ERCC2: variants seen among roughly 807,000 people sequenced by gnomAD.
The protein encoded by ERCC2 is general transcription and DNA repair factor IIH helicase subunit XPD.
A neutral mutation model predicts 99.4 loss-of-function variants in ERCC2; 90 were observed. That is an observed-to-expected ratio of 0.91 (90% CI 0.76 to 1.08). The LOEUF (loss-of-function observed/expected upper bound fraction) is 1.08, where lower values mean the gene tolerates loss of function less well. ERCC2 is among the 50% of genes least tolerant of loss of function. The pLI, the probability that ERCC2 is intolerant of heterozygous loss-of-function variation, is 0.00. For synonymous variants in ERCC2, 497 were observed against 432.4 expected (o/e 1.15, Z -1.85); for missense variants, 993 against 1,038.1 (o/e 0.96, Z 0.60).
intron 12 of ERCC2, among the ~76,000 whole-genome samples, chr19:45,360,453 C>T (rs1972180414): frequency 6.6e-6 from 1 of 150,924 alleles, no homozygotes; most frequent in Admixed American, 6.6e-5. Flanking sequence ...TCTTGGCTCA[C>T]TGTAACCTCT....
intron 6 of ERCC2, 33 bp from the exon 7 acceptor site, chr19:45,364,987 G>A (rs1479551606): frequency 5.6e-6 from 9 of 1,606,720 alleles, no homozygotes; most frequent in Non-Finnish European, 7.7e-6. Context: ...CAGGGAGGCT[G>A]CCTGCCCCAG....
At chr19:45,357,237 C>T (rs1972041992) in intron 15 of ERCC2, 33 bp downstream of exon 15, 1 of 1,544,104 alleles carries the variant, frequency 6.5e-7, no homozygotes, top group African/African-American at 1.4e-5. Flanking sequence ...CCCATCTCCC[C>T]TCCCGGCCCC....
At chr19:45,366,702 C>T (rs1568544212) in intron 5 of ERCC2, among the ~76,000 whole-genome samples, 1 of 152,308 alleles carries the variant, frequency 6.6e-6, no homozygotes, top group African/African-American at 2.4e-5. Flanking sequence ...CCAGCCCTTC[C>T]TTCTCCATTT....
intron 5 of ERCC2, among the ~76,000 whole-genome samples, chr19:45,367,366 TATACAC>T (rs1257027472): frequency 0.022 from 1,987 of 90,704 alleles, 18 homozygotes; most frequent in South Asian, 0.055. Context: ...TATATATATA[TATACAC>T]ACACACACAC....
intron 5 of ERCC2, among the ~76,000 whole-genome samples, chr19:45,366,668 G>A (rs1456463911): frequency 6.6e-6 from 1 of 152,048 alleles, no homozygotes; most frequent in African/African-American, 2.4e-5. Context: ...CTTTTCCTAC[G>A]CCAAAAGGAA....
chr19:45,361,835 C>T (rs1157812187), intron 11 of ERCC2, 193 bp from the exon 12 acceptor site: 6 of 620,740 alleles, frequency 9.7e-6, no homozygotes, highest in Admixed American at 4.3e-5. Context: ...TAGCCATTGC[C>T]GCATAATGGC....
chr19:45,360,543 A>C (rs537432943), intron 12 of ERCC2, among the ~76,000 whole-genome samples: 9 of 151,364 alleles, frequency 5.9e-5, no homozygotes, highest in Non-Finnish European at 1.3e-4. Context: ...ACACCTGGCA[A>C]ATTGTTGTAT....
chr19:45,353,024 G>T, intron 19 of ERCC2, 59 bp downstream of exon 19: 1 of 1,538,074 alleles, frequency 6.5e-7, no homozygotes, highest in Non-Finnish European at 9.0e-7. Context: ...AGCAGAGCGG[G>T]CAGGTGTTCC....
At position 45,370,148 on chromosome 19, in the gene ERCC2, G is replaced by A. The variant is rs1226272413; in HGVS notation, c.90C>T (p.Arg30=). Residue 30 remains arginine, a synonymous_variant, in exon 2 of 23, where the codon CGC becomes CGT. Transcript: ENST00000391945. ...GGCCACCCACCTTGGCGTCCAGCGT[G>A]CGTTTGAGCTCCCGCATGTAGGAGA... ...EQFSYMRELK[R]TLDAKGHGVL... 3 of 1,613,250 alleles carry A rather than the reference G, an allele frequency of 1.9e-6. No individual in the cohort carries two copies. Among genetic ancestry groups the A allele is most frequent in the Admixed American group, 1.7e-5 (1 of 60,010 alleles).
Position 45,362,500 on chromosome 19 carries a change from G to A in ERCC2, c.1119-858C>T, listed in dbSNP as rs567467112. Among the ~76,000 whole-genome samples the A allele has an allele frequency of 2.0e-5, 3 of 152,286 alleles. No individual in the cohort carries two copies. The East Asian group carries it at 5.8e-4, about 29-fold the overall frequency. On this transcript the variant is annotated intron_variant, in intron 11 of 22. Transcript: ENST00000391945. ...GCCACAACCACACACAGGCAGGGCC[G>A]AGGCAGGGTCATAGAGCAGCTGGCT...
chr19:45,362,515 A>T (rs1972260880), intron 11 of ERCC2, among the ~76,000 whole-genome samples: 1 of 152,168 alleles, frequency 6.6e-6, no homozygotes, highest in South Asian at 2.1e-4. Context: ...AGGGTCATAG[A>T]GCAGCTGGCT....
chr19:45,368,603 G>C (rs895445142), intron 5 of ERCC2, 27 bp downstream of exon 5: 2 of 1,470,622 alleles, frequency 1.4e-6, no homozygotes, highest in African/African-American at 1.4e-5. Flanking sequence ...TCTGGGCTAA[G>C]GGCAAGGAGA....
chr19:45,353,855 G>A (rs1971917880), intron 17 of ERCC2, among the ~76,000 whole-genome samples: 1 of 152,192 alleles, frequency 6.6e-6, no homozygotes, highest in Non-Finnish European at 1.5e-5. Flanking sequence ...ATGAATTTGA[G>A]GTACCTCATA....
At chr19:45,351,919 G>A (rs184485063) in intron 22 of ERCC2, among the ~76,000 whole-genome samples, 198 bp from the exon 23 acceptor site, 22 of 152,294 alleles carry the variant, frequency 1.4e-4, no homozygotes, top group Admixed American at 5.2e-4. Flanking sequence ...CTAGGGAGTC[G>A]GAGAAGGACC....
chr19:45,368,766 G>A (rs554103668), intron 4 of ERCC2, 23 bp from the exon 5 acceptor site: 3 of 1,594,190 alleles, frequency 1.9e-6, no homozygotes, highest in South Asian at 2.2e-5. Flanking sequence ...TGGGGGGCAG[G>A]GGGAGCTTGT....
In ERCC2 at chr19:45,350,081, C is replaced by T. The variant is rs1971649081; in HGVS notation, c.*1548G>A. 1 of 510,836 alleles carries T rather than the reference C, an allele frequency of 2.0e-6. No homozygotes were observed. Among genetic ancestry groups the T allele is most frequent in the Non-Finnish European group, 3.5e-6 (1 of 285,472 alleles). 31.6% of individuals were successfully genotyped at this position (510,836 alleles called of 1,614,324 possible). A position where few individuals can be genotyped will look rare whatever the true frequency, so the allele number is the denominator to read the frequency against. The stretch of plus-strand genomic sequence containing the variant: ...AGGCCGAGCTCCAAACCCACTCTGC[C>T]CCAGGGCAAGGCTTTAGGCAGGGGA... On this transcript the variant is annotated 3_prime_UTR_variant, in exon 23 of 23. Coordinates refer to ENST00000391945, the MANE Select transcript of ERCC2 (RefSeq NM_000400.4).
In ERCC2 at chr19:45,353,325, C is replaced by T. The variant is rs1427879797; in HGVS notation, c.1675G>A (p.Glu559Lys). 2 of 1,613,652 alleles carry T rather than the reference C, an allele frequency of 1.2e-6. No homozygotes were observed. Among genetic ancestry groups the T allele is most frequent in the Non-Finnish European group, 8.5e-7 (1 of 1,179,780 alleles). The change falls in exon 18 of 23, where the codon GAG becomes AAG. Residue 559 changes from glutamate (E) to lysine (K), a missense_variant. Transcript: ENST00000391945. ...AGCAGCTTGTTCCTCTGGATGTTCTCAAGGATCCCCTGGGGAAGGACCCAG... is the reference window on the plus strand; with the variant it reads ...AGCAGCTTGTTCCTCTGGATGTTCTTAAGGATCCCCTGGGGAAGGACCCAG... Reference protein sequence around the residue: ...VASWYEQGILENIQRNKLLFI... With the variant: ...VASWYEQGILKNIQRNKLLFI...
intron 5 of ERCC2, among the ~76,000 whole-genome samples, chr19:45,367,362 TATATATACACACACACAC>T (rs996840932): frequency 1.8e-5 from 1 of 55,962 alleles, no homozygotes; most frequent in African/African-American, 5.0e-5. Context: ...AAAATATATA[TATATATACACACACACAC>T]ACACACACAC....
At chr19:45,358,453 C>T (rs973039403) in intron 12 of ERCC2, 1 of 284,102 alleles carries the variant, frequency 3.5e-6, no homozygotes, top group African/African-American at 2.2e-5. Flanking sequence ...CCCATCATCC[C>T]CTGCTCGCTT....
Sources: gnomAD v4.1 joint callset for allele counts (sites outside exome capture counted in the v4.1 genomes callset) on GRCh38, gnomAD v4.1.1 for gene constraint, MANE v1.5 for transcripts, NCBI Gene and HGNC (gene_info 2026-07-23, HGNC 2026-07-21) for gene names.